The following COL4A5 variants were observed in gnomAD, a reference collection of about 807,000 sequenced individuals.
The protein encoded by COL4A5 is collagen type IV alpha 5 chain, also known as collagen alpha-5(IV) chain.
Under a neutral mutation model 130.2 loss-of-function variants are expected in COL4A5, and 26 were observed. The observed-to-expected ratio is 0.20, with a 90% CI of 0.15 to 0.28. The LOEUF (loss-of-function observed/expected upper bound fraction) is 0.28, where lower values mean the gene tolerates loss of function less well. COL4A5 is among the 10% of genes least tolerant of loss of function. The pLI is 1.00. For synonymous variants in COL4A5, 496 were observed against 439.6 expected, an observed-to-expected ratio of 1.13 and a Z score of -1.60; for missense variants, 1,131 against 1,344.3, an observed-to-expected ratio of 0.84 and a Z score of 2.48.
chrX:108,658,434 T>C (rs989459035), intron 37 of COL4A5, among the ~76,000 whole-genome samples: 3 of 110,901 alleles, frequency 2.7e-5, no homozygotes, highest in African/African-American at 9.8e-5. Context: ...TGTCAATGTT[T>C]TAGTATAGGG....
At chrX:108,563,027 A>G (rs1353188714) in intron 3 of COL4A5, among the ~76,000 whole-genome samples, 1 of 111,063 alleles carries the variant, frequency 9.0e-6, no homozygotes, top group African/African-American at 3.3e-5. Flanking sequence ...TCCTATTATC[A>G]ATATATACAG....
intron 36 of COL4A5, among the ~76,000 whole-genome samples, chrX:108,629,116 C>T (rs1038590206): frequency 7.2e-5 from 8 of 111,369 alleles, no homozygotes; most frequent in African/African-American, 2.6e-4. Context: ...GAGGTGTGAG[C>T]ATACCTGACA....
intron 43 of COL4A5, 63 bp downstream of exon 43, chrX:108,674,816 A>C (rs2068275788): frequency 9.2e-7 from 1 of 1,082,978 alleles, no homozygotes; most frequent in Non-Finnish European, 1.2e-6. Flanking sequence ...GTGTGTGATA[A>C]GAGAAATGCA....
rs181106123 is a variant in COL4A5, at chrX:108,496,807, T to A, written c.82-42939T>A. ...CTTTCTCTTGGATTATATTTCTTATTCTATAGTGTCAAAAATTAATATCAC... is the reference window on the plus strand; with the variant it reads ...CTTTCTCTTGGATTATATTTCTTATACTATAGTGTCAAAAATTAATATCAC... On this transcript the variant is annotated intron_variant, in intron 1 of 52. Transcript: ENST00000328300. 7.0e-4 allele frequency among the ~76,000 whole-genome samples: 78 copies of A among 112,052 alleles called. 3 individuals carry two copies. In the East Asian group the frequency reaches 0.011, roughly 15 times the overall value.
intron 1 of COL4A5, among the ~76,000 whole-genome samples, chrX:108,443,986 G>A (rs951105768): frequency 1.8e-5 from 2 of 111,028 alleles, no homozygotes; most frequent in Non-Finnish European, 3.8e-5. Context: ...TTCTCTTTAC[G>A]CTTAATGTAT....
rs114629637 is a variant in COL4A5, at chrX:108,558,491, G to A, written c.142-573G>A. Among the ~76,000 whole-genome samples, 840 of 110,959 alleles carry A rather than the reference G, an allele frequency of 7.6e-3. 8 individuals carry two copies. The highest frequency in any genetic ancestry group is 0.026 in the African/African-American group (802 of 30,533). ...CTGTCCTGGTGATGATAAAGGCTGC[G>A]GTTAGAACTGAGACCTGAGTCACAA... On this transcript the variant is annotated intron_variant, in intron 2 of 52. Transcript: ENST00000328300.
chrX:108,509,324 T>C (rs1427590470), intron 1 of COL4A5, among the ~76,000 whole-genome samples: 5 of 111,535 alleles, frequency 4.5e-5, no homozygotes, highest in African/African-American at 1.6e-4. Context: ...AAATAACTAA[T>C]GGGTACTAGG....
intron 42 of COL4A5, 132 bp downstream of exon 42, chrX:108,670,368 T>C: frequency 9.3e-7 from 1 of 1,073,229 alleles, no homozygotes; most frequent in East Asian, 3.2e-5. Context: ...GTGGCTTATC[T>C]CTTTAAGTTT....
chrX:108,689,669 G>A, intron 49 of COL4A5: 1 of 754,315 alleles, frequency 1.3e-6, no homozygotes. Flanking sequence ...ACAGGCAGCT[G>A]TCACTTTGAT....
chrX:108,497,357 T>A (rs2065044325), intron 1 of COL4A5, among the ~76,000 whole-genome samples: 1 of 112,207 alleles, frequency 8.9e-6, no homozygotes, highest in Non-Finnish European at 1.9e-5. Context: ...TATAGATATA[T>A]GTTTTTTTAA....
intron 4 of COL4A5, among the ~76,000 whole-genome samples, chrX:108,564,348 T>C (rs1444376749): frequency 9.0e-6 from 1 of 111,626 alleles, no homozygotes; most frequent in East Asian, 2.8e-4. Flanking sequence ...AACATTATCA[T>C]TTTTTTGTGT....
At chrX:108,460,604 C>T (rs2064635607) in intron 1 of COL4A5, among the ~76,000 whole-genome samples, 1 of 106,980 alleles carries the variant, frequency 9.3e-6, no homozygotes, top group South Asian at 4.3e-4. Context: ...ATTCTCCTGC[C>T]TCAGCCTCCT....
intron 37 of COL4A5, among the ~76,000 whole-genome samples, chrX:108,663,903 G>A (rs1013799344): frequency 3.2e-4 from 36 of 111,534 alleles, no homozygotes; most frequent in African/African-American, 1.1e-3. Context: ...TATTGAAAAC[G>A]AGGCCGGGCG....
chrX:108,496,440 G>T (rs2065034950), intron 1 of COL4A5, among the ~76,000 whole-genome samples: 1 of 110,689 alleles, frequency 9.0e-6, no homozygotes. Context: ...TTGTATGATT[G>T]CTATTTTTTA....
intron 1 of COL4A5, among the ~76,000 whole-genome samples, chrX:108,513,260 C>A (rs914376949): frequency 2.7e-5 from 3 of 110,093 alleles, no homozygotes; most frequent in Non-Finnish European, 5.7e-5. Flanking sequence ...ATCGTGCCAC[C>A]GCACTCCAGC....
chrX:108,653,071 AATTC>A (rs776163431), intron 36 of COL4A5, among the ~76,000 whole-genome samples: 4 of 111,570 alleles, frequency 3.6e-5, no homozygotes, highest in South Asian at 3.7e-4. Flanking sequence ...CCTTTTTTGA[AATTC>A]ATTGTTTTCA....
At chrX:108,650,508 A>T (rs967934508) in intron 36 of COL4A5, among the ~76,000 whole-genome samples, 24 of 112,170 alleles carry the variant, frequency 2.1e-4, no homozygotes, top group African/African-American at 6.5e-4. Context: ...TGCAGTTGCA[A>T]AATTATGGAA....
chrX:108,475,047 C>T (rs1294445112), intron 1 of COL4A5, among the ~76,000 whole-genome samples: 2 of 111,315 alleles, frequency 1.8e-5, no homozygotes, highest in African/African-American at 3.3e-5. Context: ...TCCTGCTTTG[C>T]TCCTTTTGGT....
In COL4A5 at chrX:108,603,091, A is replaced by C. The variant is rs189847934; in HGVS notation, c.2244+30A>C. 5.1e-4 allele frequency: 480 copies of C among 945,357 alleles called. 2 individuals are homozygous for C. In the African/African-American group the frequency reaches 8.7e-3, roughly 17 times the overall value. 77.9% of individuals were successfully genotyped at this position (945,357 alleles called of 1,213,427 possible). On this transcript the variant is annotated intron_variant, in intron 28 of 52. Coordinates refer to ENST00000328300, the MANE Select transcript of COL4A5 (RefSeq NM_033380.3). ...GGGACATTTTTCTTTATTCCTTCTCATTTTCTTATCTTTCCCACCTTCCTT... is the reference window on the plus strand; with the variant it reads ...GGGACATTTTTCTTTATTCCTTCTCCTTTTCTTATCTTTCCCACCTTCCTT...
Sources: gnomAD v4.1 joint callset for allele counts (sites outside exome capture counted in the v4.1 genomes callset) on GRCh38, gnomAD v4.1.1 for gene constraint, MANE v1.5 for transcripts, NCBI Gene and HGNC (gene_info 2026-07-23, HGNC 2026-07-21) for gene names.